The following SMCO2 variants were observed in gnomAD, a reference collection of about 807,000 sequenced individuals.
The protein encoded by SMCO2 is single-pass membrane and coiled-coil domain-containing protein 2.
Under a neutral mutation model 29.5 loss-of-function variants are expected in SMCO2, and 25 were observed. The ratio of observed to expected loss-of-function variants is 0.85; its 90% CI spans 0.62 to 1.18. SMCO2 has a LOEUF of 1.18. Among genes scored for constraint, SMCO2 ranks in the 50% most tolerant of loss-of-function variants. The probability of loss-of-function intolerance (pLI) is 0.00; values close to 1 mark genes in which losing one functional copy is unlikely to be tolerated. For synonymous variants in SMCO2, 117 were observed against 123.3 expected (o/e 0.95, Z 0.34); for missense variants, 348 against 344.5 (o/e 1.01, Z -0.08).
the SMCO2 span, among the ~76,000 whole-genome samples, chr12:27,428,889 A>G: frequency 6.7e-6 from 1 of 149,238 alleles, no homozygotes; most frequent in South Asian, 2.1e-4. Context: ...AAAACTTACT[A>G]GAGCCCTTGA....
At chr12:27,436,771 G>A in the SMCO2 span, among the ~76,000 whole-genome samples, 3,817 of 152,286 alleles carry the variant, frequency 0.025, 166 homozygotes, top group African/African-American at 0.088. Context: ...TAAGAGTAAG[G>A]TGGTAAGATA....
At chr12:27,502,025 G>T in exon 8 of SMCO2, 3 of 1,548,188 alleles carry the variant, frequency 1.9e-6, no homozygotes, top group Non-Finnish European at 2.6e-6. Context: ...TTGAAAGGGT[G>T]CTTCTGAGAA....
At chr12:27,450,680 C>T in the SMCO2 span, among the ~76,000 whole-genome samples, 1 of 152,188 alleles carries the variant, frequency 6.6e-6, no homozygotes, top group Non-Finnish European at 1.5e-5. Context: ...AAAGAATGCT[C>T]ACTGGTGAAG....
the SMCO2 span, among the ~76,000 whole-genome samples, chr12:27,442,580 T>C: frequency 6.6e-6 from 1 of 152,256 alleles, no homozygotes; most frequent in Non-Finnish European, 1.5e-5. Flanking sequence ...TAGGAGTTGA[T>C]GACTTCACTG....
chr12:27,463,027 G>C (rs1256945429), upstream of SMCO2, among the ~76,000 whole-genome samples: 1 of 152,220 alleles, frequency 6.6e-6, no homozygotes, highest in Non-Finnish European at 1.5e-5. Context: ...TCCTGCTGGA[G>C]TGGAGCAGAT....
At chr12:27,475,412 CA>C (rs1200321520) in intron 4 of SMCO2, among the ~76,000 whole-genome samples, 169 bp from the exon 5 acceptor site, 1 of 152,128 alleles carries the variant, frequency 6.6e-6, no homozygotes, top group Non-Finnish European at 1.5e-5. Flanking sequence ...AAGTGGATAT[CA>C]AATAAATACC....
upstream of SMCO2, among the ~76,000 whole-genome samples, chr12:27,462,302 T>C (rs1486445859): frequency 6.6e-6 from 1 of 152,150 alleles, no homozygotes; most frequent in East Asian, 1.9e-4. Flanking sequence ...TTTACTATCA[T>C]AGGAAATGAC....
chr12:27,490,428 T>C (rs953045650), intron 5 of SMCO2, among the ~76,000 whole-genome samples: 1 of 152,194 alleles, frequency 6.6e-6, no homozygotes, highest in African/African-American at 2.4e-5. Context: ...TTCTATATCT[T>C]CTTGTAGTGG....
chr12:27,490,196 A>G (rs1321649551), intron 5 of SMCO2, among the ~76,000 whole-genome samples: 1 of 152,252 alleles, frequency 6.6e-6, no homozygotes, highest in Non-Finnish European at 1.5e-5. Context: ...CAAACTTCTG[A>G]TTGACCCAAC....
At chr12:27,436,780 T>G in the SMCO2 span, among the ~76,000 whole-genome samples, 2 of 152,158 alleles carry the variant, frequency 1.3e-5, no homozygotes, top group East Asian at 3.9e-4. Flanking sequence ...GGTGGTAAGA[T>G]AGTGCCCCTC....
chr12:27,438,707 T>A, the SMCO2 span, among the ~76,000 whole-genome samples: 1 of 152,118 alleles, frequency 6.6e-6, no homozygotes, highest in South Asian at 2.1e-4. Flanking sequence ...TACAGGAGAT[T>A]GGAGTTTCCA....
chr12:27,436,592 A>G, the SMCO2 span, among the ~76,000 whole-genome samples: 2 of 152,168 alleles, frequency 1.3e-5, no homozygotes, highest in South Asian at 4.1e-4. Context: ...AGGTCAGGGA[A>G]ATAATGAGCT....
chr12:27,427,148 A>G, the SMCO2 span, among the ~76,000 whole-genome samples: 2 of 152,172 alleles, frequency 1.3e-5, no homozygotes, highest in African/African-American at 4.8e-5. Context: ...TCAGGCTTTA[A>G]CTTTGCTTGT....
At chr12:27,495,793 C>T (rs1364901360) in exon 7 of SMCO2, 1 of 1,538,276 alleles carries the variant, frequency 6.5e-7, no homozygotes, top group African/African-American at 1.4e-5. Context: ...AGATGGAGGC[C>T]CTGCTTCCTC....
chr12:27,424,842 A>AAT, the SMCO2 span: 1 of 152,226 alleles, frequency 6.6e-6, no homozygotes, highest in African/African-American at 2.4e-5. Flanking sequence ...TTTCATTAGC[A>AAT]GATCTTTTTT....
chr12:27,451,031 G>A, the SMCO2 span, among the ~76,000 whole-genome samples: 8 of 152,294 alleles, frequency 5.3e-5, no homozygotes, highest in East Asian at 1.9e-4. Context: ...CCAAGCCGAG[G>A]CTCTCATTCA....
chr12:27,455,072 G>C, the SMCO2 span, among the ~76,000 whole-genome samples: 1 of 152,156 alleles, frequency 6.6e-6, no homozygotes, highest in Non-Finnish European at 1.5e-5. Flanking sequence ...AGCCAGGAAG[G>C]CATGGACCCA....
chr12:27,452,154 A>G, the SMCO2 span, among the ~76,000 whole-genome samples: 7 of 152,204 alleles, frequency 4.6e-5, no homozygotes, highest in Non-Finnish European at 7.4e-5. Context: ...ATACTAGGGA[A>G]AGTGGGAGTA....
the SMCO2 span, among the ~76,000 whole-genome samples, chr12:27,447,437 G>C: frequency 1.5e-4 from 23 of 152,176 alleles, no homozygotes; most frequent in African/African-American, 4.1e-4. Flanking sequence ...TGGACCAGCT[G>C]CAACAGCCTC....
Sources: allele counts gnomAD v4.1 joint callset (sites outside exome capture counted in the v4.1 genomes callset), GRCh38; gene constraint gnomAD v4.1.1; transcripts MANE v1.5; gene names NCBI Gene and HGNC (gene_info 2026-07-23, HGNC 2026-07-21).